The following FARS2 variants were observed in gnomAD, a reference collection of about 807,000 sequenced individuals.
FARS2 encodes phenylalanyl-tRNA synthetase 2, mitochondrial, also known as phenylalanine--tRNA ligase, mitochondrial.
Under a neutral mutation model 46.4 loss-of-function variants are expected in FARS2, and 40 were observed. That is an observed-to-expected ratio of 0.86 (90% CI 0.67 to 1.12). The LOEUF (loss-of-function observed/expected upper bound fraction) is 1.12. Among genes scored for constraint, FARS2 ranks in the 50% most tolerant of loss-of-function variants. FARS2 has a pLI of 0.00. For missense variants in FARS2, 513 were observed against 567.9 expected, an observed-to-expected ratio of 0.90 and a Z score of 0.98; for synonymous variants, 234 against 214.9, an observed-to-expected ratio of 1.09 and a Z score of -0.78.
Position 5,496,202 on chromosome 6 carries a change from G to A in FARS2, c.905-48978G>A, listed in dbSNP as rs372232644. On this transcript the variant is annotated intron_variant, in intron 4 of 6. Coordinates refer to ENST00000274680, the MANE Select transcript of FARS2 (RefSeq NM_006567.5). ...CATTGAGTACTCTGCTTTTGAATCC[G>A]TTGAATGTCTCTCTAGTTGCTCTGC... 6.4e-4 allele frequency among the ~76,000 whole-genome samples: 97 copies of A among 152,162 alleles called. No individual in the cohort carries two copies. The Middle Eastern group carries it at 0.014, about 21-fold the overall frequency.
At chr6:5,366,294 T>C (rs1345069361) in intron 1 of FARS2, among the ~76,000 whole-genome samples, 4 of 152,178 alleles carry the variant, frequency 2.6e-5, no homozygotes, top group African/African-American at 9.7e-5. Flanking sequence ...AACAATGTAT[T>C]AATAGAAGTA....
At chr6:5,536,050 CTT>C (rs374395844) in intron 4 of FARS2, among the ~76,000 whole-genome samples, 4 of 133,732 alleles carry the variant, frequency 3.0e-5, no homozygotes, top group Admixed American at 7.5e-5. Context: ...TTTAATTTAT[CTT>C]TTTTTTTTTT....
intron 1 of FARS2, among the ~76,000 whole-genome samples, chr6:5,352,860 C>T (rs1424773505): frequency 2.0e-5 from 3 of 152,018 alleles, no homozygotes; most frequent in Non-Finnish European, 4.4e-5. Context: ...GTGTAATGAT[C>T]AAATCAGGGT....
chr6:5,559,423 A>C (rs71557569), intron 5 of FARS2, among the ~76,000 whole-genome samples: 1 of 152,164 alleles, frequency 6.6e-6, no homozygotes, highest in Non-Finnish European at 1.5e-5. Context: ...AAACAAAAAA[A>C]CAGTAAAAAC....
At chr6:5,666,296 A>G (rs185064369) in intron 6 of FARS2, among the ~76,000 whole-genome samples, 2 of 152,348 alleles carry the variant, frequency 1.3e-5, no homozygotes, top group East Asian at 3.9e-4. Flanking sequence ...CTTTTTATGT[A>G]GTGTCAGGCA....
At chr6:5,503,077 A>T (rs1293171149) in intron 4 of FARS2, among the ~76,000 whole-genome samples, 1 of 152,052 alleles carries the variant, frequency 6.6e-6, no homozygotes, top group African/African-American at 2.4e-5. Context: ...TATGGAGAAC[A>T]ATGTTTTAAT....
intron 6 of FARS2, among the ~76,000 whole-genome samples, chr6:5,621,254 CTT>C (rs112686629): frequency 3.5e-5 from 5 of 142,508 alleles, no homozygotes; most frequent in Non-Finnish European, 3.1e-5. Context: ...ACTTGGCTAA[CTT>C]TTTTTTTTTT....
In FARS2 at chr6:5,376,529, G is replaced by GT. The variant is rs548979812; in HGVS notation, c.612+7349dup. On this transcript the variant is annotated intron_variant, in intron 2 of 6. Coordinates refer to ENST00000274680, the MANE Select transcript of FARS2 (RefSeq NM_006567.5). Reference sequence around the variant, plus strand: ...TGATTTGGCATTTTTTTCTTTAAGTGTTAAAAAGTCTCAAAAACCCATCAA... The same window carrying GT: ...TGATTTGGCATTTTTTTCTTTAAGTGTTTAAAAAGTCTCAAAAACCCATCAA... Among the ~76,000 whole-genome samples the GT allele has an allele frequency of 1.1e-4, 16 of 152,190 alleles. No homozygotes were observed. The South Asian group carries it at 3.1e-3, about 30-fold the overall frequency.
chr6:5,267,419 A>C lies in FARS2; in HGVS notation c.-22+5759A>C, dbSNP rs374368923. ...TTGTAATGATAGCTATTATTTATTT[A>C]GAGTTTGTTTTCTCTCTTCTAGGAG... On this transcript the variant is annotated intron_variant, in intron 1 of 6. Coordinates refer to ENST00000274680, the MANE Select transcript of FARS2 (RefSeq NM_006567.5). Among the ~76,000 whole-genome samples the C allele has an allele frequency of 2.0e-5, 3 of 152,232 alleles. No individual in the cohort carries two copies. In the South Asian group the frequency reaches 6.2e-4, roughly 32 times the overall value.
In FARS2 at chr6:5,280,361, C is replaced by A. The variant is rs183137014; in HGVS notation, c.-22+18701C>A. On this transcript the variant is annotated intron_variant, in intron 1 of 6. Transcript: ENST00000274680. ...AAATTAATTGCTCTTTCTGTACATG[C>A]CCACTCAGAAGTTGGTGCTTCAAGA... Among the ~76,000 whole-genome samples the A allele has an allele frequency of 2.6e-5, 4 of 152,280 alleles. No homozygotes were observed. The East Asian group carries it at 7.7e-4, about 29-fold the overall frequency.
At chr6:5,272,944 A>G (rs1427453366) in intron 1 of FARS2, among the ~76,000 whole-genome samples, 4 of 152,190 alleles carry the variant, frequency 2.6e-5, no homozygotes, top group African/African-American at 9.6e-5. Context: ...TTCACTTAAC[A>G]TAATGTCCAG....
chr6:5,478,337 T>TGTATGATG (rs1218696091), intron 4 of FARS2, among the ~76,000 whole-genome samples: 1 of 152,220 alleles, frequency 6.6e-6, no homozygotes, highest in Non-Finnish European at 1.5e-5. Context: ...TGATCATATA[T>TGTATGATG]CTTTCACTTG....
At chr6:5,312,920 T>C (rs1257586407) in intron 1 of FARS2, among the ~76,000 whole-genome samples, 1 of 152,168 alleles carries the variant, frequency 6.6e-6, no homozygotes, top group Non-Finnish European at 1.5e-5. Flanking sequence ...CAATGGGCAG[T>C]CCCAATACCT....
chr6:5,654,137 A>T (rs569291242), intron 6 of FARS2, among the ~76,000 whole-genome samples: 1 of 152,140 alleles, frequency 6.6e-6, no homozygotes, highest in Non-Finnish European at 1.5e-5. Context: ...TTAGGGCCCT[A>T]CGTCCACAGA....
At chr6:5,702,135 A>C (rs1359761495) in intron 6 of FARS2, among the ~76,000 whole-genome samples, 2 of 152,220 alleles carry the variant, frequency 1.3e-5, no homozygotes, top group African/African-American at 4.8e-5. Flanking sequence ...AGCTTATAGA[A>C]GGTGTCCCAA....
At chr6:5,732,618 GA>G (rs1561827707) in intron 6 of FARS2, among the ~76,000 whole-genome samples, 1 of 152,140 alleles carries the variant, frequency 6.6e-6, no homozygotes, top group Non-Finnish European at 1.5e-5. Context: ...TGAGGAGGGA[GA>G]AAAACAGCAC....
intron 2 of FARS2, among the ~76,000 whole-genome samples, chr6:5,381,681 TG>T (rs1243037431): frequency 6.6e-6 from 1 of 152,164 alleles, no homozygotes; most frequent in Non-Finnish European, 1.5e-5. Flanking sequence ...GGGTTATGTT[TG>T]GTGGTCGATT....
intron 1 of FARS2, among the ~76,000 whole-genome samples, chr6:5,268,404 G>A (rs1765701299): frequency 6.6e-6 from 1 of 152,194 alleles, no homozygotes; most frequent in African/African-American, 2.4e-5. Flanking sequence ...AAGGGATCCA[G>A]TTTCAGCTTC....
At chr6:5,485,809 A>C (rs1189808704) in intron 4 of FARS2, among the ~76,000 whole-genome samples, 1 of 152,168 alleles carries the variant, frequency 6.6e-6, no homozygotes, top group Non-Finnish European at 1.5e-5. Flanking sequence ...GGCTGTGTAC[A>C]TCCAAATGAA....
Sources: allele counts gnomAD v4.1 joint callset (sites outside exome capture counted in the v4.1 genomes callset), GRCh38; gene constraint gnomAD v4.1.1; transcripts MANE v1.5; gene names NCBI Gene and HGNC (gene_info 2026-07-23, HGNC 2026-07-21).